Variants in PDE11A observed in about 807,000 individuals in gnomAD.
PDE11A encodes phosphodiesterase 11A, also known as dual 3',5'-cyclic-AMP and -GMP phosphodiesterase 11A.
PDE11A carries 100 observed loss-of-function variants against 100.5 expected under a neutral mutation model. That is an observed-to-expected ratio of 1.00 (90% CI 0.85 to 1.18). The LOEUF (loss-of-function observed/expected upper bound fraction) is 1.18. Among genes scored for constraint, PDE11A ranks in the 50% most tolerant of loss-of-function variants. The pLI is 0.00. For synonymous variants in PDE11A, 381 were observed against 420.8 expected, an observed-to-expected ratio of 0.91 and a Z score of 1.16; for missense variants, 1,141 against 1,152.6, an observed-to-expected ratio of 0.99 and a Z score of 0.15.
At position 177,816,834 on chromosome 2, in the gene PDE11A, G is replaced by A. The variant is rs1420983005; in HGVS notation, c.1732C>T (p.Leu578Phe). ...KKSWAKQSVA[L>F]DVLSYHATCS... ...GACATAAACACTGTACTTACATCAAGAGCCACAGACTGCTTGGCCCAGGAC... is the reference window on the plus strand; with the variant it reads ...GACATAAACACTGTACTTACATCAAAAGCCACAGACTGCTTGGCCCAGGAC... Residue 578 changes from leucine to phenylalanine, a missense_variant, in exon 9 of 20, where the codon CTT (leucine) becomes TTT (phenylalanine). Leu to Phe is a conservative substitution (Grantham distance 22, BLOSUM62 0). Coordinates refer to ENST00000286063, the MANE Select transcript of PDE11A (RefSeq NM_016953.4). 3 of 1,567,784 alleles carry A rather than the reference G, an allele frequency of 1.9e-6. No homozygotes were observed. Among genetic ancestry groups the A allele is most frequent in the African/African-American group, 2.7e-5 (2 of 74,068 alleles).
At chr2:177,845,885 C>T (rs922705524) in intron 5 of PDE11A, among the ~76,000 whole-genome samples, 7 of 151,804 alleles carry the variant, frequency 4.6e-5, no homozygotes, top group East Asian at 3.9e-4. Flanking sequence ...TCAGGCGTGG[C>T]GGCGCGTGCC....
intron 1 of PDE11A, among the ~76,000 whole-genome samples, chr2:178,045,071 T>G (rs149277423): frequency 7.9e-4 from 121 of 152,306 alleles, no homozygotes; most frequent in African/African-American, 2.7e-3. Context: ...TTACAAAAAG[T>G]TTCACAATAA....
chr2:177,723,733 G>A (rs1247142947), intron 12 of PDE11A, among the ~76,000 whole-genome samples: 1 of 152,010 alleles, frequency 6.6e-6, no homozygotes, highest in Non-Finnish European at 1.5e-5. Context: ...GTGCTAATGA[G>A]TACATTTATG....
chr2:177,719,986 T>C (rs1442895372), intron 12 of PDE11A, among the ~76,000 whole-genome samples: 1 of 152,026 alleles, frequency 6.6e-6, no homozygotes, highest in Non-Finnish European at 1.5e-5. Flanking sequence ...TGGAAGCTGA[T>C]GGTTCTATAA....
chr2:178,058,319 T>A (rs1307433625), intron 1 of PDE11A, among the ~76,000 whole-genome samples: 1 of 152,226 alleles, frequency 6.6e-6, no homozygotes. Context: ...ACTCCCACAA[T>A]TCCCACATGT....
Position 177,624,509 on chromosome 2 carries a change from T to A in PDE11A, c.*4898A>T, listed in dbSNP as rs2079805241. 1 of 152,202 alleles carries A rather than the reference T, an allele frequency of 6.6e-6. No individual in the cohort carries two copies. Among genetic ancestry groups the A allele is most frequent in the African/African-American group, 2.4e-5 (1 of 41,444 alleles). The allele number at this position is 152,202 out of a possible 1,614,324, so 9.4% of individuals were successfully genotyped here. A position where few individuals can be genotyped will look rare whatever the true frequency, so the allele number is the denominator to read the frequency against. ...TGGAAAAAGTTATGATAAATTTTGA[T>A]ACACAGAAAAAGCAACTGGATTCTG... On this transcript the variant is annotated 3_prime_UTR_variant, in exon 20 of 20. Transcript: ENST00000286063.
intron 2 of PDE11A, among the ~76,000 whole-genome samples, chr2:177,947,815 CTT>C (rs1195008617): frequency 1.3e-5 from 2 of 151,012 alleles, no homozygotes; most frequent in East Asian, 3.9e-4. Flanking sequence ...AAAATAAAAT[CTT>C]AATTTTAATT....
At chr2:177,937,606 C>T (rs2950408) in intron 2 of PDE11A, among the ~76,000 whole-genome samples, 53,395 of 152,024 alleles carry the variant, frequency 0.35, 11,120 homozygotes, top group East Asian at 0.53. Flanking sequence ...CGTGAGCCAC[C>T]GCGTCCAGGC....
chr2:177,697,200 C>T, intron 15 of PDE11A, 132 bp downstream of exon 15: 1 of 675,968 alleles, frequency 1.5e-6, no homozygotes, highest in Non-Finnish European at 2.7e-6. Flanking sequence ...AGAGAAACAA[C>T]AACAAAAAAA....
chr2:177,920,342 AT>A lies in PDE11A; in HGVS notation c.1072-15156del, dbSNP rs971793326. Among the ~76,000 whole-genome samples the A allele has an allele frequency of 5.2e-4, 79 of 152,116 alleles. 1 individual carries two copies. Among genetic ancestry groups the A allele is most frequent in the African/African-American group, 1.8e-3 (75 of 41,440 alleles). ...AAGTAGGAAAAAATCAGAAAAAAAA[AT>A]ACCTCAAAAATGGTCAAAAGATATA... On this transcript the variant is annotated intron_variant, in intron 2 of 19. Transcript: ENST00000286063.
At chr2:177,711,703 T>A in intron 13 of PDE11A, 66 bp downstream of exon 13, 2 of 898,740 alleles carry the variant, frequency 2.2e-6, no homozygotes, top group Non-Finnish European at 3.7e-6. Context: ...CTCTTTAGCA[T>A]TCGTCACCTT....
At position 177,628,848 on chromosome 2, in the gene PDE11A, A is replaced by G. The variant is rs2079873916; in HGVS notation, c.*559T>C. 1.2e-5 allele frequency: 2 copies of G among 171,086 alleles called. No individual in the cohort carries two copies. The highest frequency in any genetic ancestry group is 2.9e-3 in the Middle Eastern group (1 of 340). 10.6% of individuals were successfully genotyped at this position (171,086 alleles called of 1,614,324 possible). A position where few individuals can be genotyped will look rare whatever the true frequency, so the allele number is the denominator to read the frequency against. On this transcript the variant is annotated 3_prime_UTR_variant, in exon 20 of 20. Coordinates refer to ENST00000286063, the MANE Select transcript of PDE11A (RefSeq NM_016953.4). ...CTGGGATTGATCAGTATTTATAAGG[A>G]TAGTATAGTTTACCTTTTAGGTAGG... is the stretch of plus-strand genomic sequence containing the variant.
rs781619577 is a variant in PDE11A at position 178,104,466 on chromosome 2, C to G, written c.-3G>C. On this transcript the variant is annotated 5_prime_UTR_variant, in exon 2 of 21. Coordinates refer to the PDE11A transcript ENST00000358450. ...GGTCTTCTTGCCTGCTTCAGCATCTCCCATGTTGCTCTGCAATGGAACATT... is the reference window on the plus strand; with the variant it reads ...GGTCTTCTTGCCTGCTTCAGCATCTGCCATGTTGCTCTGCAATGGAACATT... The G allele has an allele frequency of 2.5e-6, 4 of 1,613,520 alleles. No homozygotes were observed. The East Asian group carries it at 8.9e-5, about 36-fold the overall frequency.
intron 6 of PDE11A, among the ~76,000 whole-genome samples, chr2:177,835,874 C>T (rs893792135): frequency 1.2e-4 from 19 of 152,206 alleles, no homozygotes; most frequent in East Asian, 3.9e-4. Context: ...ACTGGCGCTG[C>T]GCTCAAATTC....
chr2:178,055,652 GTAA>G (rs2086890751), intron 1 of PDE11A, among the ~76,000 whole-genome samples: 1 of 151,956 alleles, frequency 6.6e-6, no homozygotes, highest in Admixed American at 6.6e-5. Flanking sequence ...TATTTCTATT[GTAA>G]TAATAATTAT....
intron 15 of PDE11A, chr2:177,688,259 C>A (rs2080985411): frequency 6.6e-6 from 1 of 152,256 alleles, no homozygotes; most frequent in South Asian, 2.1e-4. Flanking sequence ...AGAAGAGCTG[C>A]AGATTGCTTG....
At chr2:178,083,369 G>A (rs1042912867) in intron 2 of PDE11A, among the ~76,000 whole-genome samples, 11 of 152,170 alleles carry the variant, frequency 7.2e-5, no homozygotes, top group Admixed American at 2.6e-4. Flanking sequence ...AAAGTGCTGG[G>A]ATCACAGGCG....
intron 1 of PDE11A, among the ~76,000 whole-genome samples, chr2:178,017,256 C>T (rs545376403): frequency 5.3e-5 from 8 of 152,216 alleles, no homozygotes; most frequent in Admixed American, 2.6e-4. Flanking sequence ...GAGAGGTACA[C>T]AAATGTTCAC....
chr2:177,769,334 C>G lies in PDE11A; in HGVS notation c.1777G>C (p.Asp593His). 6 of 1,598,018 alleles carry G rather than the reference C, an allele frequency of 3.8e-6. No homozygotes were observed. The highest frequency in any genetic ancestry group is 5.1e-6 in the Non-Finnish European group (6 of 1,165,528). The change falls in exon 10 of 20, where the codon GAC becomes CAC. Residue 593 changes from aspartate (D) to histidine (H), a missense_variant. Transcript: ENST00000286063. ...ATTTTCTTCCTTACCTTAAACTTGT[C>G]AACTTCAGCTTTTGAACATGTTGCA... ...YHATCSKAEV[D>H]KFKAANIPLV...
Sources: gnomAD v4.1 joint callset for allele counts (sites outside exome capture counted in the v4.1 genomes callset) on GRCh38, gnomAD v4.1.1 for gene constraint, MANE v1.5 for transcripts, NCBI Gene and HGNC (gene_info 2026-07-23, HGNC 2026-07-21) for gene names.